Variants in ERC1 observed in about 807,000 individuals in gnomAD.
The protein encoded by ERC1 is RAB6 interacting protein 2.
A neutral mutation model predicts 132.0 loss-of-function variants in ERC1; 56 were observed. That is an observed-to-expected ratio of 0.42 (90% CI 0.34 to 0.53). The LOEUF (loss-of-function observed/expected upper bound fraction) is 0.53. Ranked by LOEUF, ERC1 falls within the 20% of genes least tolerant of loss-of-function variation. ERC1 has a pLI of 0.03. For missense variants in ERC1, 1,202 were observed against 1,349.9 expected (o/e 0.89, Z 1.72); for synonymous variants, 478 against 476.1 (o/e 1.00, Z -0.05).
At chr12:1,416,945 T>G (rs925869193) in intron 17 of ERC1, among the ~76,000 whole-genome samples, 4 of 152,044 alleles carry the variant, frequency 2.6e-5, no homozygotes, top group African/African-American at 9.7e-5. Flanking sequence ...GCTTTTATCG[T>G]TCCCCTCCCT....
intron 2 of ERC1, among the ~76,000 whole-genome samples, chr12:1,071,824 G>A (rs758635820): frequency 6.6e-6 from 1 of 152,126 alleles, no homozygotes; most frequent in Non-Finnish European, 1.5e-5. Flanking sequence ...TCTGAGGCTG[G>A]GCACAGTGGC....
intron 12 of ERC1, among the ~76,000 whole-genome samples, chr12:1,197,722 C>G (rs1258959842): frequency 6.6e-6 from 1 of 152,114 alleles, no homozygotes; most frequent in Non-Finnish European, 1.5e-5. Flanking sequence ...CTAGCATTGG[C>G]GTTTATCTAT....
intron 12 of ERC1, among the ~76,000 whole-genome samples, chr12:1,195,657 C>T (rs1956151885): frequency 6.6e-6 from 1 of 152,180 alleles, no homozygotes; most frequent in Admixed American, 6.5e-5. Flanking sequence ...GCAGCTACTT[C>T]TGCCAACCTA....
intron 1 of ERC1, among the ~76,000 whole-genome samples, chr12:1,007,708 G>A (rs796914309): frequency 3.3e-5 from 5 of 152,024 alleles, no homozygotes; most frequent in African/African-American, 1.2e-4. Flanking sequence ...GGCCATTAAG[G>A]TATGTCTAAA....
intron 1 of ERC1, among the ~76,000 whole-genome samples, chr12:992,024 C>T (rs1959554138): frequency 6.6e-6 from 1 of 151,998 alleles, no homozygotes; most frequent in Non-Finnish European, 1.5e-5. Flanking sequence ...CTTACTTTGG[C>T]TCAGGTAAAT....
At chr12:1,400,401 G>A (rs1346938700) in intron 16 of ERC1, among the ~76,000 whole-genome samples, 1 of 151,994 alleles carries the variant, frequency 6.6e-6, no homozygotes. Flanking sequence ...ACTGTTTACA[G>A]CATAAAATTT....
At chr12:1,312,026 G>A (rs2081344968) in intron 15 of ERC1, among the ~76,000 whole-genome samples, 1 of 152,180 alleles carries the variant, frequency 6.6e-6, no homozygotes, top group African/African-American at 2.4e-5. Flanking sequence ...ACATGATTTT[G>A]TCTTTTGCAT....
intron 2 of ERC1, among the ~76,000 whole-genome samples, chr12:1,060,325 C>G (rs552379938): frequency 3.3e-5 from 5 of 152,076 alleles, no homozygotes; most frequent in South Asian, 2.1e-4. Flanking sequence ...AACCCTCCCC[C>G]CTTCCCCCAC....
intron 4 of ERC1, among the ~76,000 whole-genome samples, chr12:1,108,075 G>A (rs975954488): frequency 9.9e-5 from 15 of 152,282 alleles, no homozygotes; most frequent in East Asian, 1.9e-4. Context: ...ATTGGTACCC[G>A]TTGGGTTGGT....
intron 14 of ERC1, among the ~76,000 whole-genome samples, chr12:1,280,616 C>G (rs1203980414): frequency 6.6e-6 from 1 of 152,162 alleles, no homozygotes; most frequent in East Asian, 1.9e-4. Context: ...CACTCACCAC[C>G]TCACATTGAG....
rs554820825 is a variant in ERC1 at position 1,494,044 on chromosome 12, A to C, written c.*3814A>C. ...CCTGTTGACCATGTTACTTGAGTGTAGGCCCGGTGTCAAGACCCTCAGAGT... is the reference window on the plus strand; with the variant it reads ...CCTGTTGACCATGTTACTTGAGTGTCGGCCCGGTGTCAAGACCCTCAGAGT... On this transcript the variant is annotated 3_prime_UTR_variant, in exon 19 of 19. Coordinates refer to ENST00000360905, the MANE Select transcript of ERC1 (RefSeq NM_178040.4). 14 of 232,400 alleles carry C rather than the reference A, an allele frequency of 6.0e-5. No homozygotes were observed. The highest frequency in any genetic ancestry group is 2.6e-4 in the African/African-American group (12 of 45,370). The allele number at this position is 232,400 out of a possible 1,614,324, so 14.4% of individuals were successfully genotyped here. A position where few individuals can be genotyped will look rare whatever the true frequency, so the allele number is the denominator to read the frequency against.
Position 1,258,629 on chromosome 12 carries a change from CAGATT to C in ERC1, c.2488-4401_2488-4397del, listed in dbSNP as rs532179277. Among the ~76,000 whole-genome samples, 92 of 152,272 alleles carry C rather than the reference CAGATT, an allele frequency of 6.0e-4. 1 individual carries two copies. The highest frequency in any genetic ancestry group is 2.1e-3 in the African/African-American group (88 of 41,572). ...TCTTCAACTCAAAGTCTGGCATTGA[CAGATT>C]AGAGATTTTTAAATCTTCAGAATCT... On this transcript the variant is annotated intron_variant, in intron 13 of 18. Transcript: ENST00000360905.
chr12:1,327,063 A>G (rs564699943), intron 15 of ERC1, among the ~76,000 whole-genome samples: 17 of 152,316 alleles, frequency 1.1e-4, no homozygotes, highest in African/African-American at 3.4e-4. Context: ...TTTTATACCT[A>G]ATATTAAAAA....
intron 18 of ERC1, among the ~76,000 whole-genome samples, chr12:1,463,832 T>C (rs1213638346): frequency 1.3e-5 from 2 of 151,960 alleles, no homozygotes; most frequent in Admixed American, 6.6e-5. Context: ...CCATTAACTT[T>C]TTAATGCGAA....
At position 1,083,498 on chromosome 12, in the gene ERC1, G is replaced by A. The variant is rs74740082; in HGVS notation, c.1004G>A (p.Arg335Gln). The change falls in exon 3 of 19, where the codon CGA (arginine) becomes CAA (glutamine). Residue 335 changes from arginine (R) to glutamine (Q), a missense_variant. Physicochemically the swap from Arg to Gln is conservative, Grantham distance 43. Transcript: ENST00000360905. ...ATEEDHERTR[R>Q]LAEAEMHVHH... ...GAGGAAGACCATGAGAGAACAAGACGACTGGCAGAGGCAGAGATGCACGTT... is the reference window on the plus strand; with the variant it reads ...GAGGAAGACCATGAGAGAACAAGACAACTGGCAGAGGCAGAGATGCACGTT... 938 of 1,614,054 alleles carry A rather than the reference G, an allele frequency of 5.8e-4. 15 individuals carry two copies. In the East Asian group the frequency reaches 0.019, roughly 32 times the overall value.
intron 7 of ERC1, among the ~76,000 whole-genome samples, chr12:1,136,695 T>C (rs1368501163): frequency 6.6e-6 from 1 of 152,210 alleles, no homozygotes; most frequent in African/African-American, 2.4e-5. Flanking sequence ...CTTTTCAGGC[T>C]TGTCTCTTGT....
chr12:1,338,143 G>A (rs1015193892), intron 15 of ERC1, among the ~76,000 whole-genome samples: 7 of 152,050 alleles, frequency 4.6e-5, no homozygotes, highest in East Asian at 1.9e-4. Flanking sequence ...AGTTGCTTAC[G>A]CTCTCCCCAT....
At chr12:1,439,015 G>C (rs1216571787) in intron 17 of ERC1, among the ~76,000 whole-genome samples, 1 of 151,646 alleles carries the variant, frequency 6.6e-6, no homozygotes, top group Non-Finnish European at 1.5e-5. Flanking sequence ...TACCCCATGA[G>C]AAAATACCTT....
rs189912863 is a variant in ERC1, at chr12:1,370,272, T to A, written c.2781-1561T>A. On this transcript the variant is annotated intron_variant, in intron 15 of 18. Coordinates refer to ENST00000360905, the MANE Select transcript of ERC1 (RefSeq NM_178040.4). ...GCTTCCCCACTAAATCCACCTTTTT[T>A]TCCTTTGGACACAAACCATAAAGTA... 2.8e-3 allele frequency among the ~76,000 whole-genome samples: 427 copies of A among 152,370 alleles called. 2 individuals are homozygous for A. Among genetic ancestry groups the A allele is most frequent in the Non-Finnish European group, 2.6e-3 (178 of 68,032 alleles).
Sources: allele counts gnomAD v4.1 joint callset (sites outside exome capture counted in the v4.1 genomes callset), GRCh38; gene constraint gnomAD v4.1.1; transcripts MANE v1.5; gene names NCBI Gene and HGNC (gene_info 2026-07-23, HGNC 2026-07-21).